Variants in ATP6V1C1 observed in about 807,000 individuals in gnomAD.
ATP6V1C1 encodes ATPase H+ transporting V1 subunit C1.
ATP6V1C1 carries 45 observed loss-of-function variants against 53.9 expected under a neutral mutation model. That is an observed-to-expected ratio of 0.83 (90% confidence interval 0.66 to 1.07). The LOEUF (loss-of-function observed/expected upper bound fraction) is 1.07. ATP6V1C1 is among the 50% of genes least tolerant of loss of function. The pLI is 0.00. For missense variants in ATP6V1C1, 315 were observed against 440.3 expected, an observed-to-expected ratio of 0.72 and a Z score of 2.55; for synonymous variants, 153 against 155.2, an observed-to-expected ratio of 0.99 and a Z score of 0.11.
At position 103,068,843 on chromosome 8, in the gene ATP6V1C1, T is replaced by G. The variant is rs1817539891; in HGVS notation, c.*96T>G. On this transcript the variant is annotated 3_prime_UTR_variant, in exon 13 of 13. Transcript: ENST00000518738. ...TCGTACTTTTAACTCTAGTATCCTT[T>G]GCTTGCTTCTTACGCCCTTTCCTAG... The G allele has an allele frequency of 2.0e-6, 2 of 1,015,924 alleles. No individual in the cohort carries two copies. The highest frequency in any genetic ancestry group is 2.8e-6 in the Non-Finnish European group (2 of 710,886). The allele number at this position is 1,015,924 out of a possible 1,614,324, so 62.9% of individuals were successfully genotyped here.
At chr8:103,042,510 T>C (rs1817019452) in intron 3 of ATP6V1C1, 103 bp downstream of exon 3, 1 of 1,209,598 alleles carries the variant, frequency 8.3e-7, no homozygotes, top group Non-Finnish European at 1.2e-6. Flanking sequence ...CTTATTGGAA[T>C]GGTTTTAGAA....
intron 3 of ATP6V1C1, among the ~76,000 whole-genome samples, chr8:103,044,168 G>A (rs1817053516): frequency 6.6e-6 from 1 of 152,242 alleles, no homozygotes; most frequent in Admixed American, 6.5e-5. Flanking sequence ...ACAGGCGTGA[G>A]CCACCGCGCC....
At chr8:103,056,610 A>G (rs1246680466) in intron 8 of ATP6V1C1, among the ~76,000 whole-genome samples, 1 of 152,212 alleles carries the variant, frequency 6.6e-6, no homozygotes, top group Admixed American at 6.5e-5. Flanking sequence ...AAAGTGTCCA[A>G]TGGCAGAGTT....
chr8:103,035,001 C>G (rs1357981117), intron 1 of ATP6V1C1, among the ~76,000 whole-genome samples: 1 of 152,186 alleles, frequency 6.6e-6, no homozygotes, highest in East Asian at 1.9e-4. Flanking sequence ...TACATTCCTC[C>G]TTAGGTACTT....
At chr8:103,024,024 G>C (rs555317255) in intron 1 of ATP6V1C1, among the ~76,000 whole-genome samples, 1 of 152,114 alleles carries the variant, frequency 6.6e-6, no homozygotes, top group Non-Finnish European at 1.5e-5. Flanking sequence ...GGATAGAGCT[G>C]TTCAATTTAC....
intron 1 of ATP6V1C1, among the ~76,000 whole-genome samples, chr8:103,027,020 A>G (rs1223632899): frequency 1.3e-5 from 2 of 152,142 alleles, no homozygotes; most frequent in Non-Finnish European, 2.9e-5. Context: ...GGAAGCAGTT[A>G]TTTTTACTTT....
At chr8:103,054,309 G>GT (rs1292603055) in intron 7 of ATP6V1C1, among the ~76,000 whole-genome samples, 1 of 151,890 alleles carries the variant, frequency 6.6e-6, no homozygotes, top group East Asian at 1.9e-4. Context: ...AGGTCTTTGC[G>GT]TTTTTTTCCT....
chr8:103,048,776 G>A, intron 3 of ATP6V1C1, 94 bp from the exon 4 acceptor site: 7 of 1,056,168 alleles, frequency 6.6e-6, no homozygotes, highest in Non-Finnish European at 9.9e-6. Flanking sequence ...GGAACATATA[G>A]TCAAATTCAT....
intron 1 of ATP6V1C1, among the ~76,000 whole-genome samples, chr8:103,035,397 T>C (rs569028794): frequency 3.3e-5 from 5 of 152,232 alleles, no homozygotes; most frequent in Non-Finnish European, 5.9e-5. Flanking sequence ...GAATTTAGTG[T>C]ATTCTGGCTC....
At chr8:103,038,182 T>G (rs917146919) in intron 1 of ATP6V1C1, among the ~76,000 whole-genome samples, 4 of 152,194 alleles carry the variant, frequency 2.6e-5, no homozygotes, top group African/African-American at 7.2e-5. Flanking sequence ...GGAGATTGGC[T>G]GGGCTGGAGG....
At chr8:103,029,802 G>A (rs923967185) in intron 1 of ATP6V1C1, among the ~76,000 whole-genome samples, 3 of 151,472 alleles carry the variant, frequency 2.0e-5, no homozygotes, top group Admixed American at 6.6e-5. Context: ...GCACAATCTC[G>A]GCTCACCGCA....
At chr8:103,048,224 G>T (rs533428867) in intron 3 of ATP6V1C1, among the ~76,000 whole-genome samples, 2 of 152,250 alleles carry the variant, frequency 1.3e-5, no homozygotes, top group East Asian at 3.9e-4. Flanking sequence ...ACTTGGTTTA[G>T]GTTGGTGCAA....
intron 2 of ATP6V1C1, among the ~76,000 whole-genome samples, 169 bp from the exon 3 acceptor site, chr8:103,042,171 T>C (rs2131389598): frequency 6.6e-6 from 1 of 152,320 alleles, no homozygotes; most frequent in East Asian, 1.9e-4. Flanking sequence ...ATCTTGTACA[T>C]ATAAATAGCT....
chr8:103,059,529 G>A (rs896822353), intron 8 of ATP6V1C1, among the ~76,000 whole-genome samples: 5 of 68,930 alleles, frequency 7.3e-5, no homozygotes, highest in Admixed American at 5.9e-4. Flanking sequence ...TCCCCCCACC[G>A]GCCCCCCACC....
intron 7 of ATP6V1C1, 106 bp from the exon 8 acceptor site, chr8:103,055,762 A>G: frequency 2.9e-6 from 3 of 1,028,870 alleles, no homozygotes; most frequent in East Asian, 2.7e-5. Flanking sequence ...AAGTATACTT[A>G]CTATAGCCAG....
chr8:103,049,215 T>G (rs1198330764), intron 4 of ATP6V1C1, among the ~76,000 whole-genome samples: 1 of 152,194 alleles, frequency 6.6e-6, no homozygotes, highest in Non-Finnish European at 1.5e-5. Flanking sequence ...GCAAGAGCAG[T>G]ATTGTAAAGG....
Position 103,069,510 on chromosome 8 carries a change from GTC to G in ATP6V1C1, c.*768_*769del, listed in dbSNP as rs1817549991. The G allele has an allele frequency of 6.6e-6, 1 of 152,160 alleles. No individual in the cohort carries two copies. The highest frequency in any genetic ancestry group is 1.9e-4 in the East Asian group (1 of 5,194). The allele number at this position is 152,160 out of a possible 1,614,324, so 9.4% of individuals were successfully genotyped here. A position where few individuals can be genotyped will look rare whatever the true frequency, so the allele number is the denominator to read the frequency against. On this transcript the variant is annotated 3_prime_UTR_variant, in exon 13 of 13. Transcript: ENST00000518738. ...TTACATTTGAACACTAGAATTTTAGGTCTCTCAAATAATTAAGAATAGAGCCA... is the reference window on the plus strand; with the variant it reads ...TTACATTTGAACACTAGAATTTTAGGTCTCAAATAATTAAGAATAGAGCCA...
intron 11 of ATP6V1C1, among the ~76,000 whole-genome samples, chr8:103,065,922 A>G (rs1392048414): frequency 1.3e-5 from 2 of 151,804 alleles, no homozygotes; most frequent in African/African-American, 4.8e-5. Context: ...TGTGCCTGTA[A>G]TCCCAGCTAC....
chr8:103,060,894 C>T (rs922270701), intron 8 of ATP6V1C1, among the ~76,000 whole-genome samples: 8 of 151,992 alleles, frequency 5.3e-5, no homozygotes, highest in African/African-American at 1.7e-4. Flanking sequence ...TTCATTGACA[C>T]AGGGCCATGT....
Sources: allele counts gnomAD v4.1 joint callset (sites outside exome capture counted in the v4.1 genomes callset), GRCh38; gene constraint gnomAD v4.1.1; transcripts MANE v1.5; gene names NCBI Gene and HGNC (gene_info 2026-07-23, HGNC 2026-07-21).